The following KIF3C variants were observed in gnomAD, a reference collection of about 807,000 sequenced individuals.
The protein encoded by KIF3C is kinesin-like protein KIF3C.
In KIF3C, 12 loss-of-function variants were observed where a neutral mutation model predicts 67.7. That is an observed-to-expected ratio of 0.18 (90% CI 0.11 to 0.29). The LOEUF is 0.29. Ranked by LOEUF, KIF3C falls within the 10% of genes least tolerant of loss-of-function variation. KIF3C has a pLI of 1.00. For missense variants in KIF3C, 789 were observed against 1,059.6 expected (o/e 0.74, Z 3.55); for synonymous variants, 393 against 426.2 (o/e 0.92, Z 0.96).
intron 1 of KIF3C, among the ~76,000 whole-genome samples, chr2:25,964,690 G>A (rs1479561315): frequency 1.3e-5 from 2 of 152,096 alleles, no homozygotes; most frequent in African/African-American, 2.4e-5. Context: ...GAAATTTTTT[G>A]TTTATTCAGC....
intron 1 of KIF3C, among the ~76,000 whole-genome samples, chr2:25,963,893 A>G (rs931560177): frequency 2.0e-5 from 3 of 151,922 alleles, no homozygotes; most frequent in Non-Finnish European, 4.4e-5. Context: ...GGGTTTCACT[A>G]TGTTGGCCAG....
At chr2:25,956,145 C>T (rs34228994) in intron 2 of KIF3C, among the ~76,000 whole-genome samples, 198 bp downstream of exon 2, 24,673 of 152,140 alleles carry the variant, frequency 0.16, 2,256 homozygotes, top group African/African-American at 0.25. Context: ...CACGTCCTCT[C>T]GCCCACCAGC....
At chr2:25,948,698 AGAAG>A (rs772816621) in intron 5 of KIF3C, among the ~76,000 whole-genome samples, 56 of 142,858 alleles carry the variant, frequency 3.9e-4, no homozygotes, top group Middle Eastern at 3.5e-3. Context: ...AAGGAAGGAA[AGAAG>A]GAAGGAAGGA....
At chr2:25,944,051 C>CT (rs548510559) in intron 5 of KIF3C, among the ~76,000 whole-genome samples, 3,044 of 148,882 alleles carry the variant, frequency 0.02, 52 homozygotes, top group Middle Eastern at 0.094. Context: ...TTCTTTCTTT[C>CT]TTTTTTTTTT....
intron 4 of KIF3C, among the ~76,000 whole-genome samples, chr2:25,952,469 A>G (rs773416103): frequency 2.6e-5 from 4 of 151,994 alleles, no homozygotes; most frequent in Non-Finnish European, 5.9e-5. Flanking sequence ...ATGAATAAAT[A>G]CTTTTATTTG....
In KIF3C at chr2:25,954,358, C is replaced by T. The variant is rs781166652; in HGVS notation, c.1798G>A (p.Ala600Thr). 2 of 1,613,952 alleles carry T rather than the reference C, an allele frequency of 1.2e-6. No individual in the cohort carries two copies. The highest frequency in any genetic ancestry group is 1.7e-5 in the Admixed American group (1 of 60,004). The change falls in exon 4 of 8, where the codon GCG (alanine) becomes ACG (threonine). Residue 600 changes from alanine to threonine, a missense_variant. Ala to Thr is a moderately conservative substitution (Grantham distance 58, BLOSUM62 0). Coordinates refer to ENST00000264712, the MANE Select transcript of KIF3C (RefSeq NM_002254.8). ...TCATCATGCTGGTCCTGGATCTCCGCCTTCACCGCCTGCAGCTTGGCGTAG... is the reference window on the plus strand; with the variant it reads ...TCATCATGCTGGTCCTGGATCTCCGTCTTCACCGCCTGCAGCTTGGCGTAG... ...KLYAKLQAVK[A>T]EIQDQHDEYI...
chr2:25,977,032 C>A (rs1163853937), intron 1 of KIF3C, among the ~76,000 whole-genome samples: 1 of 151,852 alleles, frequency 6.6e-6, no homozygotes, highest in Non-Finnish European at 1.5e-5. Flanking sequence ...TTCCCGCCCA[C>A]ACCCTCCCTC....
chr2:25,936,186 A>G (rs941109071), intron 5 of KIF3C, among the ~76,000 whole-genome samples: 1 of 152,184 alleles, frequency 6.6e-6, no homozygotes, highest in African/African-American at 2.4e-5. Context: ...GAGCAAATAA[A>G]AAGATGAAGT....
intron 5 of KIF3C, among the ~76,000 whole-genome samples, chr2:25,942,492 C>T (rs1446668013): frequency 6.6e-6 from 1 of 151,324 alleles, no homozygotes; most frequent in African/African-American, 2.4e-5. Flanking sequence ...CTCACTGCAA[C>T]CTCTGCCTCC....
Position 25,981,953 on chromosome 2 carries a change from C to T in KIF3C, c.-36G>A, listed in dbSNP as rs183852064. On this transcript the variant is annotated 5_prime_UTR_variant, in exon 1 of 8. Transcript: ENST00000264712. The surrounding 1 kb of genome is among the most constrained non-coding windows in gnomAD (Gnocchi z 8.2). ...TGACCTTCCTGCCCCCGAGCCCCTC[C>T]GCAGCCTGGGCGGTCCTGCTATCCT... 196 of 1,492,792 alleles carry T rather than the reference C, an allele frequency of 1.3e-4. No individual in the cohort carries two copies. In the East Asian group the frequency reaches 1.4e-3, roughly 11 times the overall value. 92.5% of individuals were successfully genotyped at this position (1,492,792 alleles called of 1,614,324 possible). A position where few individuals can be genotyped will look rare whatever the true frequency, so the allele number is the denominator to read the frequency against.
chr2:25,940,156 C>T (rs533062162), intron 5 of KIF3C, among the ~76,000 whole-genome samples: 5 of 152,258 alleles, frequency 3.3e-5, no homozygotes, highest in South Asian at 2.1e-4. Context: ...TCATCTCCTC[C>T]GCACCAGGCA....
At chr2:25,934,137 A>G (rs1389460634) in intron 5 of KIF3C, 5 of 471,098 alleles carry the variant, frequency 1.1e-5, no homozygotes, top group South Asian at 7.7e-5. Context: ...ATATTGTGTG[A>G]TTCCATTTAC....
chr2:25,981,106 C>T lies in KIF3C; in HGVS notation c.812G>A (p.Gly271Asp). Reference sequence around the variant, plus strand: ...ACCACTGCCTCCACCGCCACCACCGCCACCCGAGGATGGTGTGGCTGCCCC... The same window carrying T: ...ACCACTGCCTCCACCGCCACCACCGTCACCCGAGGATGGTGTGGCTGCCCC... ...AGGAATPSSG[G>D]GGGGGGSGGG... Residue 271 changes from glycine (G) to aspartate (D), a missense_variant, in exon 1 of 8, where the codon GGC (glycine) becomes GAC (aspartate). Physicochemically the swap from Gly to Asp is moderately conservative, Grantham distance 94. Coordinates refer to ENST00000264712, the MANE Select transcript of KIF3C (RefSeq NM_002254.8). This position sits in a 1 kb window ranked among gnomAD's most constrained non-coding sequence, Gnocchi z 8.2. The T allele has an allele frequency of 6.2e-7, 1 of 1,614,250 alleles. No homozygotes were observed. The highest frequency in any genetic ancestry group is 8.5e-7 in the Non-Finnish European group (1 of 1,180,038).
intron 1 of KIF3C, among the ~76,000 whole-genome samples, chr2:25,974,036 G>T (rs563018213): frequency 1.3e-5 from 2 of 152,320 alleles, no homozygotes; most frequent in African/African-American, 4.8e-5. Context: ...GCCAGAAACT[G>T]TGCAAAGTGC....
At chr2:25,939,499 C>G (rs1161831446) in intron 5 of KIF3C, among the ~76,000 whole-genome samples, 1 of 152,232 alleles carries the variant, frequency 6.6e-6, no homozygotes, top group African/African-American at 2.4e-5. Context: ...CTGCTCCCTG[C>G]TTCACACTGT....
intron 5 of KIF3C, among the ~76,000 whole-genome samples, chr2:25,934,471 A>G (rs2090488711): frequency 6.6e-6 from 1 of 151,814 alleles, no homozygotes; most frequent in Admixed American, 6.6e-5. Flanking sequence ...TCCAGCTATT[A>G]AGGAGGCTGA....
intron 5 of KIF3C, among the ~76,000 whole-genome samples, chr2:25,946,860 AAAAG>A (rs915849689): frequency 7.9e-5 from 12 of 151,368 alleles, no homozygotes; most frequent in African/African-American, 2.9e-4. Context: ...CTCAAAAAAA[AAAAG>A]AAAGAAGGCT....
chr2:25,943,565 C>T (rs546105721), intron 5 of KIF3C, among the ~76,000 whole-genome samples: 4 of 152,132 alleles, frequency 2.6e-5, no homozygotes, highest in South Asian at 4.2e-4. Context: ...TAGAACTGGC[C>T]GGGCACGGTG....
chr2:25,980,604 G>A lies in KIF3C; in HGVS notation c.1314C>T (p.Asn438=), dbSNP rs753392618. ...EAWVAEEEDD[N]NNNHRPPQPI... is the part of the protein sequence containing the mutation. Reference sequence around the variant, plus strand: ...GCTGGGGCGGGCGGTGGTTGTTGTTGTTGTCATCCTCCTCTTCTGCCACCC... The same window carrying A: ...GCTGGGGCGGGCGGTGGTTGTTGTTATTGTCATCCTCCTCTTCTGCCACCC... The change falls in exon 1 of 8, where the codon AAC becomes AAT. Residue 438 remains asparagine (N), a synonymous_variant. Coordinates refer to ENST00000264712, the MANE Select transcript of KIF3C (RefSeq NM_002254.8). The surrounding 1 kb of genome is among the most constrained non-coding windows in gnomAD (Gnocchi z 7.6). The A allele has an allele frequency of 7.4e-6, 12 of 1,613,894 alleles. No homozygotes were observed. Among genetic ancestry groups the A allele is most frequent in the South Asian group, 1.1e-5 (1 of 91,082 alleles).
Sources: allele counts gnomAD v4.1 joint callset (sites outside exome capture counted in the v4.1 genomes callset), GRCh38; gene constraint gnomAD v4.1.1; non-coding constraint Gnocchi (gnomAD v3.1); transcripts MANE v1.5; gene names NCBI Gene and HGNC (gene_info 2026-07-23, HGNC 2026-07-21).